Variants in PXDN observed in about 807,000 individuals in gnomAD.
PXDN encodes the protein peroxidasin homolog.
Under a neutral mutation model 140.3 loss-of-function variants are expected in PXDN, and 77 were observed. That is an observed-to-expected ratio of 0.55 (90% CI 0.46 to 0.66). The LOEUF is 0.66. Ranked by LOEUF, PXDN falls within the 30% of genes least tolerant of loss-of-function variation. The pLI is 0.00. For synonymous variants in PXDN, 911 were observed against 857.4 expected (o/e 1.06, Z -1.09); for missense variants, 1,838 against 2,039.5 (o/e 0.90, Z 1.90).
At chr2:1,717,040 C>T (rs1440027021) in intron 1 of PXDN, among the ~76,000 whole-genome samples, 1 of 152,224 alleles carries the variant, frequency 6.6e-6, no homozygotes, top group Non-Finnish European at 1.5e-5. Context: ...CTGCGCTCAA[C>T]ACTCCCCATT....
intron 1 of PXDN, among the ~76,000 whole-genome samples, chr2:1,725,735 A>G (rs1685163854): frequency 2.0e-5 from 3 of 152,224 alleles, no homozygotes; most frequent in Admixed American, 6.5e-5. Flanking sequence ...TTACAAGAAA[A>G]AAACAAACAA....
At chr2:1,662,415 C>A (rs1683326901) in intron 12 of PXDN, among the ~76,000 whole-genome samples, 1 of 152,194 alleles carries the variant, frequency 6.6e-6, no homozygotes, top group African/African-American at 2.4e-5. Flanking sequence ...GCAAGGAGAG[C>A]AAAGCATAGC....
chr2:1,704,904 A>G (rs1684554256), intron 1 of PXDN, among the ~76,000 whole-genome samples: 3 of 152,086 alleles, frequency 2.0e-5, no homozygotes, highest in African/African-American at 4.8e-5. Context: ...TTCTTTTCAT[A>G]CAAGTCTTGG....
intron 9 of PXDN, among the ~76,000 whole-genome samples, chr2:1,667,498 G>C (rs1271188896): frequency 2.0e-5 from 3 of 152,152 alleles, no homozygotes; most frequent in East Asian, 1.9e-4. Flanking sequence ...AATAGGAAGA[G>C]AGGAAGTCAA....
rs752762698 is a variant in PXDN, at chr2:1,666,301, C to T, written c.1204G>A (p.Val402Ile). The T allele has an allele frequency of 2.0e-4, 316 of 1,613,940 alleles. No homozygotes were observed. The highest frequency in any genetic ancestry group is 3.9e-5 in the Non-Finnish European group (46 of 1,179,914). ...TPSGGLYIQN[V>I]VQGDSGEYAC... Reference sequence around the variant, plus strand: ...TACTCTCCGCTGTCCCCCTGTACGACGTTCTGTATGTAAAGCCCGCCAGAA... The same window carrying T: ...TACTCTCCGCTGTCCCCCTGTACGATGTTCTGTATGTAAAGCCCGCCAGAA... The change falls in exon 10 of 23, where the codon GTC becomes ATC. Residue 402 changes from valine to isoleucine, a missense_variant. By Grantham distance (29) the Val-to-Ile change is conservative. Transcript: ENST00000252804.
At chr2:1,666,572 T>A in intron 9 of PXDN, 86 bp from the exon 10 acceptor site, 2 of 1,436,378 alleles carry the variant, frequency 1.4e-6, no homozygotes, top group Non-Finnish European at 1.9e-6. Context: ...AGGCTATTAA[T>A]TCTATTTACC....
Position 1,649,741 on chromosome 2 carries a change from C to T in PXDN, c.2105-66G>A. 1 of 1,552,846 alleles carries T rather than the reference C, an allele frequency of 6.4e-7. No individual in the cohort carries two copies. The highest frequency in any genetic ancestry group is 8.9e-7 in the Non-Finnish European group (1 of 1,128,534). ...GAGGATGTGTGAGGGCCCGGTACCC[C>T]TTGGCACCTCTGCCGCTGACATGGG... On this transcript the variant is annotated intron_variant, in intron 16 of 22. Coordinates refer to ENST00000252804, the MANE Select transcript of PXDN (RefSeq NM_012293.3). The surrounding 1 kb of genome is among the most constrained non-coding windows in gnomAD (Gnocchi z 7.1).
Position 1,634,126 on chromosome 2 carries a change from C to A in PXDN, c.*78G>T. On this transcript the variant is annotated 3_prime_UTR_variant, in exon 23 of 23. Transcript: ENST00000252804. The stretch of plus-strand genomic sequence containing the variant: ...CGAGTTCTGGGTGTTTCCTGGTCTG[C>A]AGTCCGCAGCTCCCTGCCATCGGCC... 1 of 1,525,560 alleles carries A rather than the reference C, an allele frequency of 6.6e-7. No individual in the cohort carries two copies. The highest frequency in any genetic ancestry group is 1.2e-5 in the South Asian group (1 of 81,560). 94.5% of individuals were successfully genotyped at this position (1,525,560 alleles called of 1,614,324 possible). A position where few individuals can be genotyped will look rare whatever the true frequency, so the allele number is the denominator to read the frequency against.
chr2:1,653,352 G>A (rs1012713526), intron 16 of PXDN: 9 of 456,658 alleles, frequency 2.0e-5, no homozygotes, highest in Non-Finnish European at 3.7e-5. Context: ...ACCCTGGCCA[G>A]GATGGCATAA....
chr2:1,712,618 G>A (rs1164686061), intron 1 of PXDN, among the ~76,000 whole-genome samples: 1 of 152,234 alleles, frequency 6.6e-6, no homozygotes, highest in Non-Finnish European at 1.5e-5. Context: ...GCCTGAAGTA[G>A]AGGAGGTCAC....
chr2:1,719,660 T>G (rs1684970724), intron 1 of PXDN, among the ~76,000 whole-genome samples: 1 of 152,174 alleles, frequency 6.6e-6, no homozygotes, highest in East Asian at 1.9e-4. Context: ...CTGGCTGGGC[T>G]AAGCCTGACC....
intron 6 of PXDN, 110 bp downstream of exon 6, chr2:1,683,546 A>ACATGTTTTTCATTTTGCTCTCTCATGG: frequency 2.3e-6 from 1 of 434,336 alleles, no homozygotes; most frequent in Non-Finnish European, 3.5e-6. Context: ...ATTCTTTCAG[A>ACATGTTTTTCATTTTGCTCTCTCATGG]ATCAGATTGT....
intron 9 of PXDN, among the ~76,000 whole-genome samples, chr2:1,667,667 C>T (rs1683478068): frequency 6.6e-6 from 1 of 152,208 alleles, no homozygotes. Context: ...AATAGACAAG[C>T]AGAGAGCCAA....
chr2:1,711,360 C>T (rs1461147371), intron 1 of PXDN, among the ~76,000 whole-genome samples: 3 of 121,028 alleles, frequency 2.5e-5, no homozygotes, highest in East Asian at 3.1e-4. Flanking sequence ...CACCAGCACC[C>T]GCTCCACCAG....
intron 1 of PXDN, among the ~76,000 whole-genome samples, chr2:1,739,612 C>A (rs1685494790): frequency 6.6e-6 from 1 of 152,124 alleles, no homozygotes; most frequent in African/African-American, 2.4e-5. Context: ...TGGTGAGAGC[C>A]TAAGGGTCTC....
Position 1,638,984 on chromosome 2 carries a change from G to T in PXDN, c.4074-6C>A, listed in dbSNP as rs1682645112. 6.2e-7 allele frequency: 1 copy of T among 1,613,748 alleles called. No homozygotes were observed. Among genetic ancestry groups the T allele is most frequent in the South Asian group, 1.1e-5 (1 of 91,090 alleles). ...GTTCCCCCTGTCTCCCAACACTGTGGTGAGGGGAAAGGAGGAGGAGGGAAA... is the reference window on the plus strand; with the variant it reads ...GTTCCCCCTGTCTCCCAACACTGTGTTGAGGGGAAAGGAGGAGGAGGGAAA... On this transcript the variant is annotated splice_polypyrimidine_tract_variant and splice_region_variant and intron_variant, in intron 20 of 22. Coordinates refer to ENST00000252804, the MANE Select transcript of PXDN (RefSeq NM_012293.3).
At chr2:1,688,662 C>T (rs901245553) in intron 3 of PXDN, among the ~76,000 whole-genome samples, 6 of 152,124 alleles carry the variant, frequency 3.9e-5, no homozygotes, top group African/African-American at 7.2e-5. Flanking sequence ...CTGCCACTAC[C>T]GTTTCTTAGA....
intron 8 of PXDN, among the ~76,000 whole-genome samples, chr2:1,674,357 G>A (rs1341494763): frequency 6.6e-6 from 1 of 152,176 alleles, no homozygotes; most frequent in African/African-American, 2.4e-5. Flanking sequence ...TTGCAGGTGT[G>A]CGCCAGACCT....
At chr2:1,711,218 ACT>A (rs1455543960) in intron 1 of PXDN, among the ~76,000 whole-genome samples, 1 of 40,398 alleles carries the variant, frequency 2.5e-5, no homozygotes, top group Non-Finnish European at 4.6e-5. Flanking sequence ...ACCAGCACCC[ACT>A]CTCCACCAGC....
Sources: allele counts gnomAD v4.1 joint callset (sites outside exome capture counted in the v4.1 genomes callset), GRCh38; gene constraint gnomAD v4.1.1; non-coding constraint Gnocchi (gnomAD v3.1); transcripts MANE v1.5; gene names NCBI Gene and HGNC (gene_info 2026-07-23, HGNC 2026-07-21).